Variants in EXT1 observed in about 807,000 individuals in gnomAD.
The protein encoded by EXT1 is exostosin glycosyltransferase 1.
A neutral mutation model predicts 82.5 loss-of-function variants in EXT1; 20 were observed. The observed-to-expected ratio is 0.24, with a 90% CI of 0.17 to 0.35. EXT1 has a LOEUF of 0.35. EXT1 is among the 10% of genes least tolerant of loss of function. The pLI, the probability that EXT1 is intolerant of heterozygous loss-of-function variation, is 1.00. For missense variants in EXT1, 757 were observed against 936.5 expected (o/e 0.81, Z 2.50); for synonymous variants, 348 against 350.8 (o/e 0.99, Z 0.09).
At chr8:118,000,648 T>A (rs1815643235) in intron 1 of EXT1, among the ~76,000 whole-genome samples, 1 of 152,200 alleles carries the variant, frequency 6.6e-6, no homozygotes, top group African/African-American at 2.4e-5. Context: ...GCATCATTGA[T>A]CCTGTGGGTC....
chr8:117,845,605 A>G (rs768908406), intron 1 of EXT1, among the ~76,000 whole-genome samples: 1 of 152,144 alleles, frequency 6.6e-6, no homozygotes, highest in Non-Finnish European at 1.5e-5. Flanking sequence ...ACTTTTTAAA[A>G]ACTTTTTTTA....
intron 1 of EXT1, among the ~76,000 whole-genome samples, chr8:117,866,428 G>A (rs904427059): frequency 5.3e-5 from 8 of 152,142 alleles, no homozygotes; most frequent in Admixed American, 2.0e-4. Context: ...CAAACGTGCT[G>A]TAATGAGCTA....
At chr8:117,882,177 T>C (rs1563589704) in intron 1 of EXT1, among the ~76,000 whole-genome samples, 1 of 152,070 alleles carries the variant, frequency 6.6e-6, no homozygotes. Flanking sequence ...GCTTCCTGGG[T>C]TCAAGCAATT....
chr8:117,825,992 T>C (rs1812002344), intron 4 of EXT1, among the ~76,000 whole-genome samples: 1 of 152,224 alleles, frequency 6.6e-6, no homozygotes, highest in African/African-American at 2.4e-5. Flanking sequence ...GTGCAGGTTA[T>C]TGTGCAATAT....
chr8:117,830,471 C>G (rs1325216609), intron 3 of EXT1, 122 bp from the exon 4 acceptor site: 7 of 1,069,778 alleles, frequency 6.5e-6, no homozygotes, highest in Admixed American at 4.8e-5. Context: ...GCATATAGAT[C>G]TACTAAAAAT....
chr8:118,102,758 A>C (rs1443006657), intron 1 of EXT1, among the ~76,000 whole-genome samples: 1 of 152,260 alleles, frequency 6.6e-6, no homozygotes. Context: ...TTATAATAGA[A>C]TTAGGAAAGA....
intron 1 of EXT1, among the ~76,000 whole-genome samples, chr8:117,875,176 G>C (rs535130497): frequency 9.2e-5 from 14 of 152,168 alleles, no homozygotes; most frequent in East Asian, 1.9e-4. Context: ...CAGCACTTTG[G>C]GGGGCCAAGG....
intron 1 of EXT1, among the ~76,000 whole-genome samples, chr8:117,964,250 TGC>T (rs59122598): frequency 0.016 from 2,395 of 152,316 alleles, 58 homozygotes; most frequent in African/African-American, 0.055. Context: ...TCCAATGAAG[TGC>T]ATATAATTCT....
intron 1 of EXT1, among the ~76,000 whole-genome samples, chr8:117,847,453 T>A (rs1812381011): frequency 6.6e-6 from 1 of 152,116 alleles, no homozygotes; most frequent in East Asian, 1.9e-4. Flanking sequence ...TGCACGCTGA[T>A]GAGGGTAGAA....
At chr8:117,897,951 C>G (rs1301548582) in intron 1 of EXT1, among the ~76,000 whole-genome samples, 5 of 152,118 alleles carry the variant, frequency 3.3e-5, no homozygotes, top group Non-Finnish European at 7.4e-5. Flanking sequence ...ATGCAAGAAG[C>G]CACCTCATAG....
At chr8:118,063,837 A>G (rs2129948365) in intron 1 of EXT1, among the ~76,000 whole-genome samples, 1 of 152,090 alleles carries the variant, frequency 6.6e-6, no homozygotes, top group Middle Eastern at 3.4e-3. Flanking sequence ...TAGTAAGACC[A>G]GAGCTACACT....
At chr8:117,833,198 T>A (rs903436778) in intron 3 of EXT1, among the ~76,000 whole-genome samples, 1 of 151,940 alleles carries the variant, frequency 6.6e-6, no homozygotes, top group Non-Finnish European at 1.5e-5. Flanking sequence ...ACAGACTGAA[T>A]ATGAGAGGGG....
At chr8:117,806,867 A>T (rs553189698) in intron 9 of EXT1, among the ~76,000 whole-genome samples, 5 of 152,196 alleles carry the variant, frequency 3.3e-5, no homozygotes, top group Admixed American at 6.5e-5. Context: ...TTTCTGCTTT[A>T]CTCAGTGATG....
chr8:117,809,624 G>A (rs1563874416), intron 8 of EXT1, among the ~76,000 whole-genome samples: 1 of 139,422 alleles, frequency 7.2e-6, no homozygotes, highest in East Asian at 2.1e-4. Flanking sequence ...GCGGCAGAGT[G>A]AGACTCCGTC....
chr8:118,050,234 C>T (rs1486959552), intron 1 of EXT1, among the ~76,000 whole-genome samples: 1 of 152,126 alleles, frequency 6.6e-6, no homozygotes, highest in African/African-American at 2.4e-5. Context: ...GCAATGAACC[C>T]GAAATATTTG....
At chr8:118,072,862 C>A (rs1482960546) in intron 1 of EXT1, among the ~76,000 whole-genome samples, 1 of 152,150 alleles carries the variant, frequency 6.6e-6, no homozygotes, top group Non-Finnish European at 1.5e-5. Context: ...GGAACTCTTA[C>A]CCAAAGGGAC....
chr8:118,035,343 C>T (rs1217724272), intron 1 of EXT1, among the ~76,000 whole-genome samples: 1 of 152,178 alleles, frequency 6.6e-6, no homozygotes, highest in Non-Finnish European at 1.5e-5. Flanking sequence ...CCGGAAGCCA[C>T]TGTGCTTTCC....
At chr8:117,989,492 C>T (rs1177906896) in intron 1 of EXT1, among the ~76,000 whole-genome samples, 1 of 152,140 alleles carries the variant, frequency 6.6e-6, no homozygotes, top group Non-Finnish European at 1.5e-5. Flanking sequence ...CATAATGGAG[C>T]CTGCAGTACT....
chr8:118,019,407 AAGAC>A (rs1816061682), intron 1 of EXT1, among the ~76,000 whole-genome samples: 1 of 152,196 alleles, frequency 6.6e-6, no homozygotes, highest in South Asian at 2.1e-4. Context: ...GACAGAGAGA[AAGAC>A]AGGCAGAGAG....
Sources: gnomAD v4.1 joint callset for allele counts (sites outside exome capture counted in the v4.1 genomes callset) on GRCh38, gnomAD v4.1.1 for gene constraint, MANE v1.5 for transcripts, NCBI Gene and HGNC (gene_info 2026-07-23, HGNC 2026-07-21) for gene names.